Variants in C5orf22 observed in about 807,000 individuals in gnomAD.
C5orf22 encodes the protein chromosome 5 open reading frame 22, also known as UPF0489 protein C5orf22.
C5orf22 carries 36 observed loss-of-function variants against 48.7 expected under a neutral mutation model. The observed-to-expected ratio is 0.74, with a 90% CI of 0.57 to 0.98. C5orf22 has a LOEUF of 0.98. Ranked by LOEUF, C5orf22 falls within the 50% of genes least tolerant of loss-of-function variation. The pLI, the probability that C5orf22 is intolerant of heterozygous loss-of-function variation, is 0.00. For synonymous variants in C5orf22, 141 were observed against 180.8 expected, an observed-to-expected ratio of 0.78 and a Z score of 1.76; for missense variants, 486 against 521.9, an observed-to-expected ratio of 0.93 and a Z score of 0.67.
intron 1 of C5orf22, among the ~76,000 whole-genome samples, chr5:31,533,235 T>C (rs1170026562): frequency 1.3e-5 from 2 of 150,668 alleles, no homozygotes; most frequent in African/African-American, 4.9e-5. Context: ...ATTGCAGGCG[T>C]GAGCTACTGC....
At chr5:31,545,945 A>G (rs1742854589) in intron 7 of C5orf22, among the ~76,000 whole-genome samples, 1 of 152,216 alleles carries the variant, frequency 6.6e-6, no homozygotes, top group Admixed American at 6.5e-5. Context: ...GTATGAAGCA[A>G]AAGTCCTGTG....
At chr5:31,535,156 T>A in intron 2 of C5orf22, 1 of 361,686 alleles carries the variant, frequency 2.8e-6, no homozygotes, top group Non-Finnish European at 5.4e-6. Flanking sequence ...TTATTAAAGC[T>A]TATTTGAAAT....
At chr5:31,537,024 A>T (rs1736566115) in intron 3 of C5orf22, among the ~76,000 whole-genome samples, 1 of 152,254 alleles carries the variant, frequency 6.6e-6, no homozygotes, top group Non-Finnish European at 1.5e-5. Context: ...TTGTTGTGAT[A>T]TATGAAAATT....
chr5:31,552,419 A>G (rs1227088031), intron 8 of C5orf22, among the ~76,000 whole-genome samples: 1 of 152,208 alleles, frequency 6.6e-6, no homozygotes, highest in African/African-American at 2.4e-5. Flanking sequence ...CATCGCTAAG[A>G]TAATAAGCCC....
At chr5:31,533,467 G>A (rs956995905) in intron 1 of C5orf22, among the ~76,000 whole-genome samples, 2 of 152,118 alleles carry the variant, frequency 1.3e-5, no homozygotes, top group African/African-American at 2.4e-5. Flanking sequence ...TTCTCTGGAC[G>A]TTAAAAAAGA....
chr5:31,552,699 C>T, intron 8 of C5orf22, 74 bp from the exon 9 acceptor site: 1 of 1,311,188 alleles, frequency 7.6e-7, no homozygotes, highest in South Asian at 1.3e-5. Flanking sequence ...TTGAAATGAA[C>T]ACATGCAGCT....
At chr5:31,537,367 T>A (rs1742160980) in intron 3 of C5orf22, among the ~76,000 whole-genome samples, 1 of 152,232 alleles carries the variant, frequency 6.6e-6, no homozygotes, top group Non-Finnish European at 1.5e-5. Flanking sequence ...ACTGCTGTTA[T>A]TAAAAAGAAT....
intron 8 of C5orf22, among the ~76,000 whole-genome samples, chr5:31,552,399 A>G (rs982943440): frequency 2.6e-5 from 4 of 152,208 alleles, no homozygotes; most frequent in African/African-American, 7.2e-5. Flanking sequence ...ACACATAATA[A>G]AAGATGTTCC....
intron 4 of C5orf22, among the ~76,000 whole-genome samples, chr5:31,539,611 G>C (rs570586895): frequency 6.6e-6 from 1 of 152,314 alleles, no homozygotes; most frequent in Non-Finnish European, 1.5e-5. Flanking sequence ...GGAAACCTGG[G>C]AACACAAGGA....
chr5:31,536,983 G>A lies in C5orf22; in HGVS notation c.377+1090G>A, dbSNP rs73066401. Among the ~76,000 whole-genome samples, 843 of 152,238 alleles carry A rather than the reference G, an allele frequency of 5.5e-3. 14 individuals carry two copies. Among genetic ancestry groups the A allele is most frequent in the African/African-American group, 0.019 (793 of 41,546 alleles). On this transcript the variant is annotated intron_variant, in intron 3 of 8. Coordinates refer to ENST00000325366, the MANE Select transcript of C5orf22 (RefSeq NM_018356.3). ...CTTAATGATACAATTAACTTTTGTA[G>A]TATATAATCTTGTCGTTTGCACAAA...
At chr5:31,550,332 A>G (rs1262985650) in intron 7 of C5orf22, among the ~76,000 whole-genome samples, 2 of 152,236 alleles carry the variant, frequency 1.3e-5, no homozygotes, top group Non-Finnish European at 2.9e-5. Flanking sequence ...AGGCAAGTTT[A>G]GTGTAGTGCT....
rs756856115 is a variant in C5orf22 at position 31,538,379 on chromosome 5, A to G, written c.497A>G (p.Asn166Ser). 103 of 1,614,116 alleles carry G rather than the reference A, an allele frequency of 6.4e-5. No individual in the cohort carries two copies. In the Middle Eastern group the frequency reaches 9.9e-4, roughly 15 times the overall value. ...VIMVKPYKLC[N>S]NQEENDAVSS... ...ATGGTAAAACCTTATAAACTCTGTA[A>G]CAATCAAGAAGAAAACGATGCAGTG... Residue 166 changes from asparagine (N) to serine (S), a missense_variant, in exon 4 of 9, where the codon AAC becomes AGC. Physicochemically the swap from Asn to Ser is conservative, Grantham distance 46. Transcript: ENST00000325366.
intron 3 of C5orf22, among the ~76,000 whole-genome samples, chr5:31,537,035 GTATT>G (rs1561320043): frequency 1.3e-5 from 2 of 152,140 alleles, no homozygotes; most frequent in South Asian, 2.1e-4. Context: ...TATGAAAATT[GTATT>G]TATTTCAGAT....
chr5:31,551,572 G>T, intron 8 of C5orf22, 140 bp downstream of exon 8: 1 of 669,522 alleles, frequency 1.5e-6, no homozygotes. Context: ...GATTATCCTG[G>T]ATTTATCAGG....
Position 31,544,313 on chromosome 5 carries a change from A to G in C5orf22, c.993-1333A>G, listed in dbSNP as rs370850831. ...AAAAGCATCAATGTGGCCGGGCGCGATGGCTCACGCCTGTAATCCCAGCAC... is the reference window on the plus strand; with the variant it reads ...AAAAGCATCAATGTGGCCGGGCGCGGTGGCTCACGCCTGTAATCCCAGCAC... On this transcript the variant is annotated intron_variant, in intron 6 of 8. Transcript: ENST00000325366. Among the ~76,000 whole-genome samples the G allele has an allele frequency of 4.7e-4, 71 of 152,278 alleles. 1 individual carries two copies. In the Middle Eastern group the frequency reaches 0.014, roughly 29 times the overall value.
chr5:31,551,995 C>G (rs1372030900), intron 8 of C5orf22, among the ~76,000 whole-genome samples: 1 of 152,162 alleles, frequency 6.6e-6, no homozygotes. Context: ...AAGGAGTAGG[C>G]CAGATAACTA....
chr5:31,537,341 AT>A (rs1248223862), intron 3 of C5orf22, among the ~76,000 whole-genome samples: 1 of 152,252 alleles, frequency 6.6e-6, no homozygotes, highest in Non-Finnish European at 1.5e-5. Flanking sequence ...TGTTTGTATG[AT>A]AGGAACATGG....
intron 4 of C5orf22, 115 bp downstream of exon 4, chr5:31,538,804 T>A: frequency 2.7e-6 from 2 of 754,416 alleles, no homozygotes; most frequent in Non-Finnish European, 2.1e-6. Context: ...GCTTTGGGGT[T>A]CACATTCTCT....
chr5:31,544,305 C>T (rs139100698), intron 6 of C5orf22, among the ~76,000 whole-genome samples: 5 of 152,252 alleles, frequency 3.3e-5, no homozygotes, highest in African/African-American at 9.6e-5. Flanking sequence ...TCAATGTGGC[C>T]GGGCGCGATG....
Sources: allele counts gnomAD v4.1 joint callset (sites outside exome capture counted in the v4.1 genomes callset), GRCh38; gene constraint gnomAD v4.1.1; transcripts MANE v1.5; gene names NCBI Gene and HGNC (gene_info 2026-07-23, HGNC 2026-07-21).